MEIS3: variants seen among roughly 807,000 people sequenced by gnomAD.
MEIS3 encodes Meis homeobox 3, also known as homeobox protein Meis3.
In MEIS3, 38 loss-of-function variants were observed where a neutral mutation model predicts 51.4. That is an observed-to-expected ratio of 0.74 (90% CI 0.57 to 0.97). The LOEUF (loss-of-function observed/expected upper bound fraction) is 0.97. Ranked by LOEUF, MEIS3 falls within the 50% of genes least tolerant of loss-of-function variation. The probability of loss-of-function intolerance (pLI) is 0.00; values close to 1 mark genes in which losing one functional copy is unlikely to be tolerated. For missense variants in MEIS3, 456 were observed against 502.6 expected (o/e 0.91, Z 0.89); for synonymous variants, 198 against 201.8 (o/e 0.98, Z 0.16).
At chr19:47,416,989 T>A in intron 2 of MEIS3, 26 bp from the exon 3 acceptor site, 1 of 1,556,024 alleles carries the variant, frequency 6.4e-7, no homozygotes. Flanking sequence ...AGGAGAGAGG[T>A]TGAGGGAGAG....
At chr19:47,420,086 C>A (rs773027389), upstream of MEIS3, among the ~76,000 whole-genome samples, 3 of 152,156 alleles carry the variant, frequency 2.0e-5, no homozygotes, top group Non-Finnish European at 2.9e-5. Context: ...GCGGGCTCTG[C>A]CCCCGTGGCT....
At position 47,403,309 on chromosome 19, in the gene MEIS3, C is replaced by T; in HGVS notation, c.*262G>A. The T allele has an allele frequency of 2.4e-6, 1 of 410,574 alleles. No homozygotes were observed. The highest frequency in any genetic ancestry group is 2.9e-5 in the Admixed American group (1 of 34,896). 25.4% of individuals were successfully genotyped at this position (410,574 alleles called of 1,614,324 possible). On this transcript the variant is annotated 3_prime_UTR_variant, in exon 13 of 13. Coordinates refer to ENST00000558555, the MANE Select transcript of MEIS3 (RefSeq NM_001301059.2). Reference sequence around the variant, plus strand: ...GCCCTAGCCGCCATCTTCTGGGGACCAAGGCCCAGGAGCCCAGCTCGGGTC... The same window carrying T: ...GCCCTAGCCGCCATCTTCTGGGGACTAAGGCCCAGGAGCCCAGCTCGGGTC...
intron 8 of MEIS3, among the ~76,000 whole-genome samples, chr19:47,407,955 C>T (rs1409722668): frequency 2.0e-5 from 3 of 151,996 alleles, no homozygotes; most frequent in African/African-American, 4.8e-5. Context: ...TACAGGTGCG[C>T]GCCACCATGC....
At chr19:47,405,001 A>T (rs118184663) in intron 12 of MEIS3, among the ~76,000 whole-genome samples, 1 of 152,302 alleles carries the variant, frequency 6.6e-6, no homozygotes, top group East Asian at 1.9e-4. Context: ...TCCAGATGGC[A>T]CTAGGGAGCC....
rs763792739 is a variant in MEIS3, at chr19:47,414,673, A to C, written c.597+44T>G. On this transcript the variant is annotated intron_variant, in intron 6 of 12. Coordinates refer to ENST00000558555, the MANE Select transcript of MEIS3 (RefSeq NM_001301059.2). ...GCGCCCTCATGCGGTGTCCAGGCAC[A>C]GCTGTGGCTGCAGGACGATGCCTGG... 1.2e-5 allele frequency: 18 copies of C among 1,550,026 alleles called. No homozygotes were observed. The South Asian group carries it at 2.1e-4, about 19-fold the overall frequency.
At position 47,419,137 on chromosome 19, in the gene MEIS3, G is replaced by GCGCAGCCCGGGGC. The variant is rs1568432400; in HGVS notation, c.-69_-57dup. Reference sequence around the variant, plus strand: ...CTCCAGAGCCTGGCCGCGGGGGAGGGCGCAGCCCGGGGCCGCAGCCCCTGA... The same window carrying GCGCAGCCCGGGGC: ...CTCCAGAGCCTGGCCGCGGGGGAGGGCGCAGCCCGGGGCCGCAGCCCGGGGCCGCAGCCCCTGA... On this transcript the variant is annotated 5_prime_UTR_variant, in exon 1 of 13. Coordinates refer to ENST00000558555, the MANE Select transcript of MEIS3 (RefSeq NM_001301059.2). 1 of 1,217,374 alleles carries GCGCAGCCCGGGGC rather than the reference G, an allele frequency of 8.2e-7. No homozygotes were observed. Among genetic ancestry groups the GCGCAGCCCGGGGC allele is most frequent in the African/African-American group, 1.6e-5 (1 of 64,024 alleles). The allele number at this position is 1,217,374 out of a possible 1,614,324, so 75.4% of individuals were successfully genotyped here.
chr19:47,413,218 G>A (rs1971224287), intron 6 of MEIS3, among the ~76,000 whole-genome samples: 1 of 151,744 alleles, frequency 6.6e-6, no homozygotes, highest in South Asian at 2.1e-4. Flanking sequence ...CCAACATGGT[G>A]AAACCCCGTC....
intron 9 of MEIS3, 49 bp from the exon 10 acceptor site, chr19:47,407,186 G>T: frequency 6.3e-7 from 1 of 1,578,426 alleles, no homozygotes; most frequent in Admixed American, 1.9e-5. Context: ...GGGAGTGGGA[G>T]AGAGGCCAAG....
intron 5 of MEIS3, 73 bp downstream of exon 5, chr19:47,414,978 G>T (rs547720028): frequency 3.8e-4 from 465 of 1,220,476 alleles, no homozygotes; most frequent in Non-Finnish European, 5.2e-4. Context: ...GCTGGAAGGT[G>T]GGGGGCAGAG....
At position 47,417,314 on chromosome 19, in the gene MEIS3, C is replaced by T. The variant is rs61733746; in HGVS notation, c.49G>A (p.Gly17Ser). The change falls in exon 2 of 13, where the codon GGC becomes AGC. Residue 17 changes from glycine to serine, a missense_variant. Physicochemically the swap from Gly to Ser is moderately conservative, Grantham distance 56. Transcript: ENST00000558555. ...ELPHYPGIVD[G>S]PAALASFPET... The stretch of plus-strand genomic sequence containing the variant: ...GGGAAGCTAGCCAGGGCTGCGGGGC[C>T]ATCCACGATGCCTGGGTAGTGCGGC... 212 of 1,613,600 alleles carry T rather than the reference C, an allele frequency of 1.3e-4. 1 individual carries two copies. The highest frequency in any genetic ancestry group is 1.2e-3 in the Middle Eastern group (7 of 6,084).
chr19:47,411,350 A>C (rs570604317), intron 6 of MEIS3, among the ~76,000 whole-genome samples: 92 of 150,240 alleles, frequency 6.1e-4, no homozygotes, highest in African/African-American at 2.1e-3. Context: ...CCATAGCAAC[A>C]TGGATGAGTA....
chr19:47,408,079 A>G (rs1479462461), intron 8 of MEIS3, among the ~76,000 whole-genome samples: 1 of 152,082 alleles, frequency 6.6e-6, no homozygotes, highest in East Asian at 1.9e-4. Context: ...TGTTGGGATT[A>G]CAGGCATAAG....
chr19:47,407,926 C>G (rs1427156835), intron 8 of MEIS3, among the ~76,000 whole-genome samples: 1 of 152,204 alleles, frequency 6.6e-6, no homozygotes, highest in Non-Finnish European at 1.5e-5. Context: ...CCCGCCTCAG[C>G]CTCCCCAGTA....
upstream of MEIS3, among the ~76,000 whole-genome samples, chr19:47,420,808 G>T (rs183471382): frequency 2.1e-4 from 32 of 151,614 alleles, no homozygotes; most frequent in East Asian, 6.2e-3. Context: ...GAGGGAGCAG[G>T]GGGGAGGCTC....
intron 12 of MEIS3, among the ~76,000 whole-genome samples, chr19:47,404,478 C>G (rs967547339): frequency 6.6e-6 from 1 of 152,120 alleles, no homozygotes; most frequent in Non-Finnish European, 1.5e-5. Flanking sequence ...CCTGTCCGGC[C>G]GCCTGCCTCA....
Position 47,406,499 on chromosome 19 carries a change from T to C in MEIS3, c.1106A>G (p.Glu369Gly). The C allele has an allele frequency of 1.2e-6, 2 of 1,613,806 alleles. No homozygotes were observed. Among genetic ancestry groups the C allele is most frequent in the Non-Finnish European group, 1.7e-6 (2 of 1,179,920 alleles). Reference protein sequence around the residue: ...PGSVGMSLNLEGEWHYL With the variant: ...PGSVGMSLNLGGEWHYL ...CCTCTATAGATAATGCCATTCTCCT[T>C]CCAAGTTCAAACTCATCCCCACTGA... is the stretch of plus-strand genomic sequence containing the variant. Residue 369 changes from glutamate (E) to glycine (G), a missense_variant, in exon 12 of 13, where the codon GAA becomes GGA. Transcript: ENST00000558555.
At chr19:47,421,746 CTT>C (rs11323618), upstream of MEIS3, among the ~76,000 whole-genome samples, 79 of 143,840 alleles carry the variant, frequency 5.5e-4, no homozygotes, top group Admixed American at 2.3e-3. Context: ...TGTCTCCTGG[CTT>C]TTTTTTTTTT....
chr19:47,416,757 C>T, intron 3 of MEIS3, 47 bp downstream of exon 3: 1 of 1,612,808 alleles, frequency 6.2e-7, no homozygotes, highest in Non-Finnish European at 8.5e-7. Context: ...ACCCACCCCT[C>T]CTCGCTGGCT....
In MEIS3 at chr19:47,414,563, T is replaced by G. The variant is rs141620184; in HGVS notation, c.597+154A>C. Among the ~76,000 whole-genome samples the G allele has an allele frequency of 5.1e-4, 78 of 152,190 alleles. 1 individual carries two copies. In the East Asian group the frequency reaches 0.013, roughly 26 times the overall value. The stretch of plus-strand genomic sequence containing the variant: ...GCCGCATCCGAGTCTGCGTAGCTGT[T>G]GTGTAGTGGGTGTGTGGCTGTGTGC... On this transcript the variant is annotated intron_variant, in intron 6 of 12. Coordinates refer to ENST00000558555, the MANE Select transcript of MEIS3 (RefSeq NM_001301059.2).
Sources: allele counts gnomAD v4.1 joint callset (sites outside exome capture counted in the v4.1 genomes callset), GRCh38; gene constraint gnomAD v4.1.1; transcripts MANE v1.5; gene names NCBI Gene and HGNC (gene_info 2026-07-23, HGNC 2026-07-21).